Variants in CCNK observed in about 807,000 individuals in gnomAD.
The protein encoded by CCNK is cyclin K, also known as cyclin-K.
A neutral mutation model predicts 65.0 loss-of-function variants in CCNK; 9 were observed. The ratio of observed to expected loss-of-function variants is 0.14; its 90% CI spans 0.08 to 0.24. The LOEUF is 0.24. Among genes scored for constraint, CCNK ranks in the 10% least tolerant of loss-of-function variants. The pLI, the probability that CCNK is intolerant of heterozygous loss-of-function variation, is 1.00. For missense variants in CCNK, 474 were observed against 720.0 expected (o/e 0.66, Z 3.91); for synonymous variants, 279 against 270.8 (o/e 1.03, Z -0.30).
intron 1 of CCNK, chr14:99,491,909 C>A (rs145010498): frequency 6.6e-6 from 1 of 152,148 alleles, no homozygotes; most frequent in South Asian, 2.1e-4. Flanking sequence ...TGAGATCCTT[C>A]GTTGTTGTTG....
chr14:99,510,751 G>C lies in CCNK; in HGVS notation c.1712G>C (p.Gly571Ala), dbSNP rs368703834. Reference sequence around the variant, plus strand: ...CCCCCACCCGGCATGCCTCCAGTTGGGGGGCTGGGGCGGGCAGCCTGGATG... The same window carrying C: ...CCCCCACCCGGCATGCCTCCAGTTGCGGGGCTGGGGCGGGCAGCCTGGATG... Reference protein sequence around the residue: ...PIPPPGMPPVGGLGRAAWMR With the variant: ...PIPPPGMPPVAGLGRAAWMR The change falls in exon 11 of 11, where the codon GGG becomes GCG. Residue 571 changes from glycine to alanine, a missense_variant. Transcript: ENST00000389879. 268 of 1,456,694 alleles carry C rather than the reference G, an allele frequency of 1.8e-4. No individual in the cohort carries two copies. The African/African-American group carries it at 2.8e-3, about 15-fold the overall frequency. The allele number at this position is 1,456,694 out of a possible 1,614,324, so 90.2% of individuals were successfully genotyped here. A position where few individuals can be genotyped will look rare whatever the true frequency, so the allele number is the denominator to read the frequency against.
intron 1 of CCNK, chr14:99,481,698 G>T (rs532813528): frequency 5.2e-6 from 2 of 386,056 alleles, no homozygotes; most frequent in Admixed American, 9.0e-5. Flanking sequence ...GGGCAGGGAG[G>T]CCGGACTCAC....
chr14:99,504,093 C>A, intron 9 of CCNK: 1 of 388,868 alleles, frequency 2.6e-6, no homozygotes, highest in Non-Finnish European at 5.1e-6. Context: ...CTCTTTGAAA[C>A]ACACTTGGGT....
At chr14:99,483,462 A>T (rs1323240957) in intron 1 of CCNK, among the ~76,000 whole-genome samples, 1 of 152,118 alleles carries the variant, frequency 6.6e-6, no homozygotes, top group Non-Finnish European at 1.5e-5. Context: ...AGGCAGGAGG[A>T]TCACTTGAGT....
At chr14:99,490,928 CAAA>C (rs56222414) in intron 1 of CCNK, among the ~76,000 whole-genome samples, 9 of 80,004 alleles carry the variant, frequency 1.1e-4, no homozygotes, top group Admixed American at 2.8e-4. Context: ...GACTCCGTCT[CAAA>C]AAAAAAAAAA....
intron 1 of CCNK, among the ~76,000 whole-genome samples, chr14:99,483,227 C>T (rs1296889294): frequency 1.3e-5 from 2 of 151,866 alleles, no homozygotes; most frequent in African/African-American, 4.8e-5. Flanking sequence ...GAGCTGATTC[C>T]CTGAAGCCAG....
At chr14:99,493,691 C>T (rs377163791) in intron 3 of CCNK, 96 bp downstream of exon 3, 12 of 835,190 alleles carry the variant, frequency 1.4e-5, no homozygotes, top group East Asian at 7.6e-5. Flanking sequence ...CTCATATTTT[C>T]CAGAAAGTAT....
intron 6 of CCNK, 67 bp downstream of exon 6, chr14:99,501,480 C>T: frequency 9.6e-7 from 1 of 1,039,446 alleles, no homozygotes; most frequent in South Asian, 1.3e-5. Flanking sequence ...TGGACCATTT[C>T]ATCTAAACCC....
rs188575578 is a variant in CCNK at position 99,493,441 on chromosome 14, T to C, written c.198-73T>C. On this transcript the variant is annotated intron_variant, in intron 2 of 10. Coordinates refer to ENST00000389879, the MANE Select transcript of CCNK (RefSeq NM_001099402.2). ...TGATTTTGTTGTTGTTGTTTGTCTT[T>C]TTGTTTTTCTACATTTAACTAAGAG... 4 of 894,896 alleles carry C rather than the reference T, an allele frequency of 4.5e-6. No homozygotes were observed. In the African/African-American group the frequency reaches 6.7e-5, roughly 15 times the overall value. 55.4% of individuals were successfully genotyped at this position (894,896 alleles called of 1,614,324 possible).
In CCNK at chr14:99,511,001, T is replaced by C. The variant is rs1313893103; in HGVS notation, c.*219T>C. 5.2e-5 allele frequency: 20 copies of C among 385,972 alleles called. No individual in the cohort carries two copies. The East Asian group carries it at 7.8e-4, about 15-fold the overall frequency. The allele number at this position is 385,972 out of a possible 1,614,324, so 23.9% of individuals were successfully genotyped here. ...TAGCCTCATCAGTGCCCTTGCAGTC[T>C]GACTGTGTACACTTGGTTCAGCTAA... On this transcript the variant is annotated 3_prime_UTR_variant, in exon 11 of 11. Coordinates refer to ENST00000389879, the MANE Select transcript of CCNK (RefSeq NM_001099402.2).
chr14:99,510,545 T>A lies in CCNK; in HGVS notation c.1506T>A (p.Pro502=). 2 of 323,082 alleles carry A rather than the reference T, an allele frequency of 6.2e-6. No individual in the cohort carries two copies. The highest frequency in any genetic ancestry group is 1.9e-4 in the East Asian group (2 of 10,526). 20.0% of individuals were successfully genotyped at this position (323,082 alleles called of 1,614,324 possible). A position where few individuals can be genotyped will look rare whatever the true frequency, so the allele number is the denominator to read the frequency against. The part of the protein sequence containing the change: ...ASFPPPAIPP[P]TPGYPPPPPT... ...TCCCCCCACCTGCCATCCCACCCCC[T>A]ACTCCTGGCTACCCCCCACCCCCAC... is the stretch of plus-strand genomic sequence containing the variant. The change falls in exon 11 of 11, where the codon CCT becomes CCA. Residue 502 remains proline (P), a synonymous_variant. Transcript: ENST00000389879.
chr14:99,490,735 G>A (rs767270431), intron 1 of CCNK, among the ~76,000 whole-genome samples: 2 of 152,018 alleles, frequency 1.3e-5, no homozygotes, highest in Non-Finnish European at 2.9e-5. Flanking sequence ...AGACCATCCC[G>A]GCTAACACGG....
chr14:99,499,816 A>G (rs540750869), intron 4 of CCNK, among the ~76,000 whole-genome samples: 1 of 152,350 alleles, frequency 6.6e-6, no homozygotes, highest in East Asian at 1.9e-4. Flanking sequence ...AGGACTGAAA[A>G]GATATTAATA....
At chr14:99,481,699 C>T (rs899974897) in intron 1 of CCNK, 28 of 385,046 alleles carry the variant, frequency 7.3e-5, no homozygotes, top group Non-Finnish European at 1.2e-4. Flanking sequence ...GGCAGGGAGG[C>T]CGGACTCACC....
At chr14:99,509,787 C>T (rs1343980349) in intron 10 of CCNK, 1 of 304,592 alleles carries the variant, frequency 3.3e-6, no homozygotes, top group Non-Finnish European at 6.1e-6. Context: ...GTGGCCCTGA[C>T]CCCTGGGGTC....
At chr14:99,482,725 A>G (rs1358985040) in intron 1 of CCNK, among the ~76,000 whole-genome samples, 2 of 152,232 alleles carry the variant, frequency 1.3e-5, no homozygotes, top group Non-Finnish European at 2.9e-5. Context: ...AATAAAAACT[A>G]TTCGAGTTGT....
chr14:99,510,373 A>G lies in CCNK; in HGVS notation c.1334A>G (p.Gln445Arg), dbSNP rs201501099. The G allele has an allele frequency of 4.6e-4, 725 of 1,566,434 alleles. 5 individuals carry two copies. Among genetic ancestry groups the G allele is most frequent in the Non-Finnish European group, 3.8e-5 (44 of 1,160,076 alleles). Reference protein sequence around the residue: ...TSSYMSGEGYQSLQSMMKTEG... With the variant: ...TSSYMSGEGYRSLQSMMKTEG... ...TCCTACATGTCTGGAGAGGGCTACC[A>G]GAGCCTGCAGTCCATGATGAAGACC... The change falls in exon 11 of 11, where the codon CAG becomes CGG. Residue 445 changes from glutamine to arginine, a missense_variant. Transcript: ENST00000389879.
Sources: gnomAD v4.1 joint callset for allele counts (sites outside exome capture counted in the v4.1 genomes callset) on GRCh38, gnomAD v4.1.1 for gene constraint, MANE v1.5 for transcripts, NCBI Gene and HGNC (gene_info 2026-07-23, HGNC 2026-07-21) for gene names.